Variants in LZTFL1 observed in about 807,000 individuals in gnomAD.
The protein encoded by LZTFL1 is leucine zipper transcription factor like 1, also known as leucine zipper transcription factor-like protein 1.
LZTFL1 carries 25 observed loss-of-function variants against 45.9 expected under a neutral mutation model. That is an observed-to-expected ratio of 0.54 (90% confidence interval 0.40 to 0.76). The LOEUF is 0.76. Ranked by LOEUF, LZTFL1 falls within the 30% of genes least tolerant of loss-of-function variation. The pLI is 0.00. For synonymous variants in LZTFL1, 93 were observed against 117.4 expected (o/e 0.79, Z 1.35); for missense variants, 277 against 331.1 (o/e 0.84, Z 1.27).
At chr3:45,883,768 G>T in intron 2 of LZTFL1, 1 of 568,424 alleles carries the variant, frequency 1.8e-6, no homozygotes, top group South Asian at 2.5e-5. Context: ...GCATCCCCAT[G>T]AACACAGTCA....
At chr3:45,842,124 G>A, upstream of LZTFL1, 2 of 1,530,708 alleles carry the variant, frequency 1.3e-6, no homozygotes, top group South Asian at 1.2e-5. Flanking sequence ...GCCTCTGGTT[G>A]CTAACGGAAA....
upstream of LZTFL1, among the ~76,000 whole-genome samples, chr3:45,845,958 C>G (rs1229895282): frequency 1.3e-5 from 2 of 152,076 alleles, no homozygotes; most frequent in African/African-American, 4.8e-5. Context: ...TTTGTCTTCC[C>G]AACTACTATG....
chr3:45,908,708 CTGG>C (rs928617132), intron 2 of LZTFL1, among the ~76,000 whole-genome samples: 3 of 152,218 alleles, frequency 2.0e-5, no homozygotes, highest in Non-Finnish European at 4.4e-5. Flanking sequence ...TGTCAACTCT[CTGG>C]TGAAGTGTCC....
At chr3:45,884,739 G>A (rs545728248) in intron 2 of LZTFL1, among the ~76,000 whole-genome samples, 6 of 152,318 alleles carry the variant, frequency 3.9e-5, no homozygotes, top group Admixed American at 1.3e-4. Context: ...GCAATAGTGC[G>A]TGTCTCACCT....
At chr3:45,884,342 C>T (rs904282231) in intron 2 of LZTFL1, among the ~76,000 whole-genome samples, 3 of 152,166 alleles carry the variant, frequency 2.0e-5, no homozygotes, top group Admixed American at 6.5e-5. Context: ...GTCACATTTG[C>T]ACAAGCTCCT....
At chr3:45,879,620 C>G (rs1378579531) in intron 2 of LZTFL1, among the ~76,000 whole-genome samples, 1 of 151,992 alleles carries the variant, frequency 6.6e-6, no homozygotes, top group Non-Finnish European at 1.5e-5. Context: ...ACAGAGTGTT[C>G]AATACAAAGA....
intron 3 of LZTFL1, among the ~76,000 whole-genome samples, chr3:45,858,737 T>C (rs1314111272): frequency 1.3e-5 from 2 of 152,226 alleles, no homozygotes; most frequent in African/African-American, 4.8e-5. Context: ...TGTATCTCAT[T>C]GCCAAAAAGT....
At position 45,901,854 on chromosome 3, in the gene LZTFL1, T is replaced by C; in HGVS notation, c.-215+11266A>G. ...AAGGAGAGAGGGAAGCTTGAAGCTG[T>C]CGTCTATGTTGCTGGAGACAACCTC... On this transcript the variant is annotated intron_variant, in intron 2 of 4. Transcript: ENST00000472635. The surrounding 1 kb of genome is among the most constrained non-coding windows in gnomAD (Gnocchi z 4.3). 1 of 1,610,630 alleles carries C rather than the reference T, an allele frequency of 6.2e-7. No individual in the cohort carries two copies. Among genetic ancestry groups the C allele is most frequent in the Non-Finnish European group, 8.5e-7 (1 of 1,177,112 alleles).
At chr3:45,894,667 A>G (rs925030274) in intron 2 of LZTFL1, among the ~76,000 whole-genome samples, 1 of 152,204 alleles carries the variant, frequency 6.6e-6, no homozygotes, top group African/African-American at 2.4e-5. Context: ...TGCTAGAATC[A>G]GGTGACCCTC....
At chr3:45,827,573 T>A in intron 8 of LZTFL1, 114 bp from the exon 9 acceptor site, 1 of 662,282 alleles carries the variant, frequency 1.5e-6, no homozygotes, top group Non-Finnish European at 2.6e-6. Context: ...ATTTTGCTAA[T>A]GATTTTCTAA....
intron 2 of LZTFL1, among the ~76,000 whole-genome samples, chr3:45,874,684 G>A (rs986305797): frequency 2.0e-5 from 3 of 152,128 alleles, no homozygotes; most frequent in Non-Finnish European, 4.4e-5. Context: ...GGACTTTGTA[G>A]TTCTTCCCAT....
At chr3:45,903,040 T>C (rs546344941) in intron 2 of LZTFL1, 1 of 167,262 alleles carries the variant, frequency 6.0e-6, no homozygotes, top group East Asian at 1.9e-4. Flanking sequence ...TTTGGCAAAA[T>C]GCATCACCTT....
intron 2 of LZTFL1, among the ~76,000 whole-genome samples, chr3:45,881,312 C>A (rs1409763312): frequency 6.6e-6 from 1 of 152,202 alleles, no homozygotes; most frequent in Non-Finnish European, 1.5e-5. Context: ...TCACTATCTG[C>A]CAAAACCAAC....
intron 2 of LZTFL1, among the ~76,000 whole-genome samples, chr3:45,912,108 C>T (rs938471401): frequency 1.4e-4 from 21 of 152,214 alleles, no homozygotes; most frequent in African/African-American, 4.3e-4. Context: ...TCCCAGGGTG[C>T]CGTCATATAC....
chr3:45,912,384 G>T (rs769837633), intron 2 of LZTFL1, among the ~76,000 whole-genome samples: 1 of 152,200 alleles, frequency 6.6e-6, no homozygotes, highest in African/African-American at 2.4e-5. Flanking sequence ...TGACTTTGCA[G>T]TTCCTCCCAT....
chr3:45,904,533 G>A (rs28595837), intron 2 of LZTFL1, among the ~76,000 whole-genome samples: 7,048 of 152,274 alleles, frequency 0.046, 224 homozygotes, highest in Middle Eastern at 0.082. Flanking sequence ...CTTCTTCTTT[G>A]CCCATTGTAG....
At chr3:45,849,751 A>T (rs941487517) in intron 4 of LZTFL1, among the ~76,000 whole-genome samples, 1 of 152,220 alleles carries the variant, frequency 6.6e-6, no homozygotes, top group African/African-American at 2.4e-5. Flanking sequence ...GCTAACATAC[A>T]CAGAACTGAT....
intron 2 of LZTFL1, chr3:45,913,024 C>G: frequency 1.6e-6 from 2 of 1,223,066 alleles, no homozygotes; most frequent in East Asian, 2.6e-5. Flanking sequence ...AATCTAAATT[C>G]AAGTAAAATG....
upstream of LZTFL1, among the ~76,000 whole-genome samples, chr3:45,844,274 A>G (rs1226599161): frequency 6.6e-6 from 1 of 152,120 alleles, no homozygotes; most frequent in African/African-American, 2.4e-5. Flanking sequence ...TGTTGTGTGC[A>G]AGGTTCTGTG....
Sources: allele counts gnomAD v4.1 joint callset (sites outside exome capture counted in the v4.1 genomes callset), GRCh38; gene constraint gnomAD v4.1.1; non-coding constraint Gnocchi (gnomAD v3.1); transcripts MANE v1.5; gene names NCBI Gene and HGNC (gene_info 2026-07-23, HGNC 2026-07-21).